The following DBR1 variants were observed in gnomAD, a reference collection of about 807,000 sequenced individuals.
DBR1 encodes the protein lariat debranching enzyme.
A neutral mutation model predicts 45.9 loss-of-function variants in DBR1; 33 were observed. The observed-to-expected ratio is 0.72, with a 90% CI of 0.55 to 0.96. DBR1 has a LOEUF of 0.96. DBR1 is among the 40% of genes least tolerant of loss of function. DBR1 has a pLI of 0.00. For missense variants in DBR1, 619 were observed against 667.4 expected, an observed-to-expected ratio of 0.93 and a Z score of 0.80; for synonymous variants, 235 against 235.9, an observed-to-expected ratio of 1.00 and a Z score of 0.04.
rs2042933842 is a variant in DBR1 at position 138,167,131 on chromosome 3, A to T, written c.664T>A (p.Trp222Arg). The change falls in exon 5 of 8, where the codon TGG (tryptophan) becomes AGG (arginine). Residue 222 changes from tryptophan (W) to arginine (R), a missense_variant. Transcript: ENST00000260803. ...TTCACATGAAGGTGGGCAGAAAACC[A>T]ATAAGTAGGTTTGAGATGCTCTAAA... ...ELLEHLKPTY[W>R]FSAHLHVKFA... 1 of 1,614,084 alleles carries T rather than the reference A, an allele frequency of 6.2e-7. No individual in the cohort carries two copies. Among genetic ancestry groups the T allele is most frequent in the African/African-American group, 1.3e-5 (1 of 74,950 alleles).
chr3:138,170,586 A>C (rs1225004933), intron 3 of DBR1, among the ~76,000 whole-genome samples: 3 of 152,220 alleles, frequency 2.0e-5, no homozygotes, highest in Non-Finnish European at 2.9e-5. Flanking sequence ...AGCTTCCCAA[A>C]AGTGGTTCCA....
chr3:138,170,170 A>G lies in DBR1; in HGVS notation c.426T>C (p.Tyr142=), dbSNP rs1206132332. 3.1e-6 allele frequency: 5 copies of G among 1,595,912 alleles called. No homozygotes were observed. The Admixed American group carries it at 5.2e-5, about 17-fold the overall frequency. ...YRKGHFECPP[Y]NSSTIRSIYH... ...ATATACTCCTGATTGTAGATGAATT[A>G]TAAGGGGGGCACTCAAAATGACCTT... The change falls in exon 4 of 8, where the codon TAT becomes TAC. Residue 142 remains tyrosine (Y), a synonymous_variant. Transcript: ENST00000260803.
chr3:138,161,979 A>C lies in DBR1; in HGVS notation c.1545T>G (p.Asp515Glu). The C allele has an allele frequency of 6.2e-7, 1 of 1,614,152 alleles. No individual in the cohort carries two copies. Among genetic ancestry groups the C allele is most frequent in the South Asian group, 1.1e-5 (1 of 91,080 alleles). ...LTKVPLKRLS[D>E]EHEPEQRKKI... ...TCTTTCTTTGTTCAGGTTCATGTTC[A>C]TCACTCAGCCTCTTCAATGGCACCT... The change falls in exon 8 of 8, where the codon GAT (aspartate) becomes GAG (glutamate). Residue 515 changes from aspartate to glutamate, a missense_variant. Physicochemically the swap from Asp to Glu is conservative, Grantham distance 45. Around this residue, in one of 3 missense-constraint regions of DBR1, gnomAD observed 182 missense variants for 196.1 expected, o/e 0.93. Coordinates refer to ENST00000260803, the MANE Select transcript of DBR1 (RefSeq NM_016216.4).
rs766065040 is a variant in DBR1 at position 138,174,845 on chromosome 3, C to T, written c.-50G>A. On this transcript the variant is annotated 5_prime_UTR_variant, in exon 1 of 8. Coordinates refer to ENST00000260803, the MANE Select transcript of DBR1 (RefSeq NM_016216.4). ...CTGCCTGCAACGCCCTACACCACAG[C>T]CAGCCCAGGACCGACTGATCGCTCA... 6.4e-7 allele frequency: 1 copy of T among 1,569,270 alleles called. No homozygotes were observed. Among genetic ancestry groups the T allele is most frequent in the South Asian group, 1.2e-5 (1 of 86,778 alleles).
intron 5 of DBR1, 21 bp downstream of exon 5, chr3:138,167,060 A>G: frequency 1.9e-6 from 3 of 1,603,932 alleles, no homozygotes; most frequent in Non-Finnish European, 2.6e-6. Flanking sequence ...TAAATGAAAG[A>G]ATAAACATTT....
intron 5 of DBR1, among the ~76,000 whole-genome samples, chr3:138,164,464 GA>G (rs2042921416): frequency 6.6e-6 from 1 of 152,234 alleles, no homozygotes; most frequent in East Asian, 1.9e-4. Context: ...CAAATCTATA[GA>G]AACACAAAGC....
intron 1 of DBR1, among the ~76,000 whole-genome samples, chr3:138,174,217 T>G (rs2042968169): frequency 6.6e-6 from 1 of 152,174 alleles, no homozygotes; most frequent in Non-Finnish European, 1.5e-5. Flanking sequence ...TTCAGGATCA[T>G]TGAATGAACT....
At chr3:138,170,507 C>T (rs1049491818) in intron 3 of DBR1, among the ~76,000 whole-genome samples, 1 of 151,834 alleles carries the variant, frequency 6.6e-6, no homozygotes, top group Non-Finnish European at 1.5e-5. Context: ...TGTTTTAAGC[C>T]GAAAAAGAAA....
chr3:138,162,503 A>G lies in DBR1; in HGVS notation c.1021T>C (p.Phe341Leu). The G allele has an allele frequency of 6.2e-7, 1 of 1,614,084 alleles. No homozygotes were observed. The highest frequency in any genetic ancestry group is 1.1e-5 in the South Asian group (1 of 91,084). The change falls in exon 8 of 8, where the codon TTT becomes CTT. Residue 341 changes from phenylalanine to leucine, a missense_variant. Phe to Leu is a conservative substitution (Grantham distance 22, BLOSUM62 0). Transcript: ENST00000260803. ...LNHDLKVPCN[F>L]SVTAACYDPS... is the part of the protein sequence containing the mutation. The stretch of plus-strand genomic sequence containing the variant: ...TCATAACAAGCAGCTGTTACACTAA[A>G]GTTACATGGAACCTTGAGATCATGA...
chr3:138,167,896 G>A (rs962897116), intron 4 of DBR1, among the ~76,000 whole-genome samples: 2 of 151,664 alleles, frequency 1.3e-5, no homozygotes, highest in African/African-American at 4.8e-5. Flanking sequence ...GCAATAAGCC[G>A]AGATCATGCA....
rs765189407 is a variant in DBR1 at position 138,161,896 on chromosome 3, G to GCATCAT, written c.1627_1628insATGATG (p.Asp541_Asp542dup). ...CAAAACAAGTAAATCATCTTAAGCT[G>GCATCAT]CATCGTCATCATCATCATCCACTGC... On this transcript the variant is annotated inframe_insertion, in exon 8 of 8. Coordinates refer to ENST00000260803, the MANE Select transcript of DBR1 (RefSeq NM_016216.4). 4 of 1,607,812 alleles carry GCATCAT rather than the reference G, an allele frequency of 2.5e-6. No individual in the cohort carries two copies. Among genetic ancestry groups the GCATCAT allele is most frequent in the East Asian group, 2.2e-5 (1 of 44,832 alleles).
chr3:138,164,700 G>A (rs1163116135), intron 5 of DBR1, among the ~76,000 whole-genome samples: 1 of 152,206 alleles, frequency 6.6e-6, no homozygotes, highest in African/African-American at 2.4e-5. Context: ...AGGTTGGAGT[G>A]CAGTGGCACG....
intron 3 of DBR1, 47 bp from the exon 4 acceptor site, chr3:138,170,239 C>T: frequency 6.0e-6 from 7 of 1,166,974 alleles, no homozygotes; most frequent in Non-Finnish European, 7.5e-6. Flanking sequence ...TCCTTAAATA[C>T]TGCAAATACA....
chr3:138,169,921 A>G (rs1417706048), intron 4 of DBR1, among the ~76,000 whole-genome samples, 186 bp downstream of exon 4: 1 of 151,966 alleles, frequency 6.6e-6, no homozygotes, highest in Admixed American at 6.6e-5. Flanking sequence ...TGACATAGTG[A>G]GACTCTGTCT....
At chr3:138,162,996 G>A (rs1490776047) in intron 7 of DBR1, among the ~76,000 whole-genome samples, 6 of 152,150 alleles carry the variant, frequency 3.9e-5, no homozygotes, top group Non-Finnish European at 7.3e-5. Flanking sequence ...AGCAGCTCAC[G>A]CCTGTAATCC....
chr3:138,164,038 AAGGC>A (rs1187595060), intron 5 of DBR1, 180 bp from the exon 6 acceptor site: 3 of 438,492 alleles, frequency 6.8e-6, no homozygotes, highest in Admixed American at 7.8e-5. Flanking sequence ...GATAAAAGAG[AAGGC>A]ATTTAACTTC....
Position 138,162,556 on chromosome 3 carries a change from C to T in DBR1, c.968G>A (p.Gly323Asp), listed in dbSNP as rs894019019. The T allele has an allele frequency of 6.2e-7, 1 of 1,611,742 alleles. No homozygotes were observed. ...ARWDYSATEEGMKEVLEKLNH... is the reference protein window; with the variant it reads ...ARWDYSATEEDMKEVLEKLNH... ...CAATTTTTCCAATACTTCTTTCATA[C>T]CTTCTTCTGTTGCACTATAATCCCA... The change falls in exon 8 of 8, where the codon GGT (glycine) becomes GAT (aspartate). Residue 323 changes from glycine to aspartate, a missense_variant. Physicochemically the swap from Gly to Asp is moderately conservative, Grantham distance 94. This residue lies in a region of DBR1 where 430 missense variants were observed against 447.7 expected (regional missense o/e 0.96). Coordinates refer to ENST00000260803, the MANE Select transcript of DBR1 (RefSeq NM_016216.4).
chr3:138,163,651 T>C (rs2042917829), intron 6 of DBR1, 127 bp downstream of exon 6: 1 of 717,482 alleles, frequency 1.4e-6, no homozygotes, highest in Non-Finnish European at 2.0e-6. Flanking sequence ...ATAAGTAAGA[T>C]ACCCCCAAAG....
Position 138,162,481 on chromosome 3 carries a change from T to A in DBR1, c.1043A>T (p.Tyr348Phe), listed in dbSNP as rs1559882056. 4 of 1,614,210 alleles carry A rather than the reference T, an allele frequency of 2.5e-6. No homozygotes were observed. The Admixed American group carries it at 6.7e-5, about 27-fold the overall frequency. Reference sequence around the variant, plus strand: ...TTGTGTCTGTGGCTTGCTAGGATCATAACAAGCAGCTGTTACACTAAAGTT... The same window carrying A: ...TTGTGTCTGTGGCTTGCTAGGATCAAAACAAGCAGCTGTTACACTAAAGTT... Reference protein sequence around the residue: ...PCNFSVTAACYDPSKPQTQMQ... With the variant: ...PCNFSVTAACFDPSKPQTQMQ... Residue 348 changes from tyrosine to phenylalanine, a missense_variant, in exon 8 of 8, where the codon TAT (tyrosine) becomes TTT (phenylalanine). Transcript: ENST00000260803.
Sources: gnomAD v4.1 joint callset for allele counts (sites outside exome capture counted in the v4.1 genomes callset) on GRCh38, gnomAD v4.1.1 for gene constraint, gnomAD v4.1.1 regional missense constraint, MANE v1.5 for transcripts, NCBI Gene and HGNC (gene_info 2026-07-23, HGNC 2026-07-21) for gene names.